The following TBL2 variants were observed in gnomAD, a reference collection of about 807,000 sequenced individuals.
TBL2 encodes the protein transducin beta like 2.
TBL2 carries 33 observed loss-of-function variants against 41.8 expected under a neutral mutation model. That is an observed-to-expected ratio of 0.79 (90% CI 0.60 to 1.06). The LOEUF is 1.06. TBL2 is among the 50% of genes least tolerant of loss of function. The probability of loss-of-function intolerance (pLI) is 0.00; values close to 1 mark genes in which losing one functional copy is unlikely to be tolerated. For missense variants in TBL2, 522 were observed against 603.8 expected (o/e 0.86, Z 1.42); for synonymous variants, 239 against 241.7 (o/e 0.99, Z 0.10).
At chr7:73,572,760 C>T (rs1397673393) in intron 5 of TBL2, 84 bp downstream of exon 5, 42 of 1,592,102 alleles carry the variant, frequency 2.6e-5, no homozygotes, top group South Asian at 1.6e-4. Context: ...TCTTCCCACG[C>T]GATGAAGCTG....
Position 73,572,875 on chromosome 7 carries a change from T to G in TBL2, c.694A>C (p.Asn232His). The stretch of plus-strand genomic sequence containing the variant: ...CAGGGAGATACAGCAGCGTGTGTGT[T>G]GTTCATCTGGTTGGTGTTGATGGTA... ...LSTINTNQMN[N>H]THAAVSPCGR... Residue 232 changes from asparagine (N) to histidine (H), a missense_variant, in exon 5 of 7, where the codon AAC becomes CAC. Asn to His is a moderately conservative substitution (Grantham distance 68). Coordinates refer to ENST00000305632, the MANE Select transcript of TBL2 (RefSeq NM_012453.4). The G allele has an allele frequency of 3.7e-6, 6 of 1,614,144 alleles. No homozygotes were observed. Among genetic ancestry groups the G allele is most frequent in the Non-Finnish European group, 5.1e-6 (6 of 1,180,016 alleles).
rs1563452127 is a variant in TBL2, at chr7:73,574,076, T to G, written c.308A>C (p.Lys103Thr). Residue 103 changes from lysine to threonine, a missense_variant, in exon 3 of 7, where the codon AAA becomes ACA. Physicochemically the swap from Lys to Thr is moderately conservative, Grantham distance 78. Coordinates refer to ENST00000305632, the MANE Select transcript of TBL2 (RefSeq NM_012453.4). Reference sequence around the variant, plus strand: ...ATCATCTGCACAGGTAGCCAGGTATTTGCCATTGCTGCTAAAGTCCATGCA... The same window carrying G: ...ATCATCTGCACAGGTAGCCAGGTATGTGCCATTGCTGCTAAAGTCCATGCA... The part of the protein sequence containing the change: ...ISCMDFSSNG[K>T]YLATCADDRT... 1 of 1,614,160 alleles carries G rather than the reference T, an allele frequency of 6.2e-7. No homozygotes were observed. Among genetic ancestry groups the G allele is most frequent in the Non-Finnish European group, 8.5e-7 (1 of 1,180,032 alleles).
chr7:73,576,763 G>GC, intron 1 of TBL2: 1 of 455,052 alleles, frequency 2.2e-6, no homozygotes, highest in Non-Finnish European at 4.4e-6. Context: ...TGTCTAACAA[G>GC]CCCCCCTCCT....
Position 73,573,479 on chromosome 7 carries a change from C to T in TBL2, c.447-8G>A. On this transcript the variant is annotated splice_polypyrimidine_tract_variant and splice_region_variant and intron_variant, in intron 3 of 6. Transcript: ENST00000305632. ...AGCCAGACGATGAAGGCTCTAGAGACAGGCAGCAGACAAGTCACGCTCTCA... is the reference window on the plus strand; with the variant it reads ...AGCCAGACGATGAAGGCTCTAGAGATAGGCAGCAGACAAGTCACGCTCTCA... 4 of 1,613,866 alleles carry T rather than the reference C, an allele frequency of 2.5e-6. No individual in the cohort carries two copies. In the African/African-American group the frequency reaches 4.0e-5, roughly 16 times the overall value.
At chr7:73,575,011 T>C (rs1395724673) in intron 1 of TBL2, among the ~76,000 whole-genome samples, 1 of 151,940 alleles carries the variant, frequency 6.6e-6, no homozygotes, top group South Asian at 2.1e-4. Context: ...GCCAGTGGAG[T>C]GTGGATCCTT....
At chr7:73,574,707 TC>T in intron 1 of TBL2, 194 bp from the exon 2 acceptor site, 1 of 703,296 alleles carries the variant, frequency 1.4e-6, no homozygotes, top group Non-Finnish European at 2.4e-6. Context: ...ATGCCTGTAA[TC>T]CCAATGCTTT....
Position 73,574,115 on chromosome 7 carries a change from C to T in TBL2, c.269G>A (p.Ser90Asn). ...AAAGTCCATGCAAGATATGTTCCCG[C>T]TGTGGCTCTAGGGGAAGGGTGGCAG... The part of the protein sequence containing the change: ...RLLAAALKSH[S>N]GNISCMDFSS... The change falls in exon 3 of 7, where the codon AGC (serine) becomes AAC (asparagine). Residue 90 changes from serine (S) to asparagine (N), a missense_variant. Ser to Asn is a conservative substitution (Grantham distance 46). Coordinates refer to ENST00000305632, the MANE Select transcript of TBL2 (RefSeq NM_012453.4). The T allele has an allele frequency of 6.2e-7, 1 of 1,614,002 alleles. No homozygotes were observed. Among genetic ancestry groups the T allele is most frequent in the Non-Finnish European group, 8.5e-7 (1 of 1,179,880 alleles).
chr7:73,570,954 C>T lies in TBL2; in HGVS notation c.897G>A (p.Lys299=), dbSNP rs781886058. ...TGTCCCACAGTTTCCATGTACCATC[C>T]TTGGAGACAGAAGCCATCCTGCAAC... ...NDSRRMASVS[K]DGTWKLWDTD... is the part of the protein sequence containing the mutation. Residue 299 remains lysine, a synonymous_variant, in exon 7 of 7, where the codon AAG becomes AAA. Transcript: ENST00000305632. The T allele has an allele frequency of 5.0e-6, 8 of 1,604,228 alleles. No individual in the cohort carries two copies. The highest frequency in any genetic ancestry group is 6.8e-6 in the Non-Finnish European group (8 of 1,174,098).
rs1174880154 is a variant in TBL2, at chr7:73,569,964, C to T, written c.*543G>A. On this transcript the variant is annotated 3_prime_UTR_variant, in exon 7 of 7. Transcript: ENST00000305632. ...TGGGGACTTGATATTCTCTTAGCCT[C>T]ATATCATCTTTGCAAGGAGTTCACA... The T allele has an allele frequency of 1.3e-5, 2 of 152,660 alleles. No homozygotes were observed. Among genetic ancestry groups the T allele is most frequent in the African/African-American group, 4.8e-5 (2 of 41,464 alleles). 9.5% of individuals were successfully genotyped at this position (152,660 alleles called of 1,614,324 possible).
At position 73,574,382 on chromosome 7, in the gene TBL2, C is replaced by T; in HGVS notation, c.261+1G>A. ...CACGCTGTGCCAGGTACCCCACGTA[C>T]CTTCAGAGCTGCAGCCAGGAGGCGG... is the stretch of plus-strand genomic sequence containing the variant. On this transcript the variant is annotated splice_donor_variant, in intron 2 of 6. Coordinates refer to ENST00000305632, the MANE Select transcript of TBL2 (RefSeq NM_012453.4). LOFTEE classifies it high-confidence loss of function. The T allele has an allele frequency of 1.2e-6, 2 of 1,613,136 alleles. No homozygotes were observed. The highest frequency in any genetic ancestry group is 1.7e-6 in the Non-Finnish European group (2 of 1,180,018).
At chr7:73,577,155 G>C (rs2116018789) in intron 1 of TBL2, among the ~76,000 whole-genome samples, 1 of 151,816 alleles carries the variant, frequency 6.6e-6, no homozygotes, top group South Asian at 2.1e-4. Flanking sequence ...CAGCTACTCA[G>C]GAGGCTGAGG....
chr7:73,570,294 C>T lies in TBL2; in HGVS notation c.*213G>A. 1 of 783,140 alleles carries T rather than the reference C, an allele frequency of 1.3e-6. No homozygotes were observed. 48.5% of individuals were successfully genotyped at this position (783,140 alleles called of 1,614,324 possible). A position where few individuals can be genotyped will look rare whatever the true frequency, so the allele number is the denominator to read the frequency against. Reference sequence around the variant, plus strand: ...CCACTGGGCCTGGGAGGAAGAAAAGCACCTTGGCCACTAGTCAGGGAGGAG... The same window carrying T: ...CCACTGGGCCTGGGAGGAAGAAAAGTACCTTGGCCACTAGTCAGGGAGGAG... On this transcript the variant is annotated 3_prime_UTR_variant, in exon 7 of 7. Transcript: ENST00000305632.
rs1408017702 is a variant in TBL2 at position 73,568,791 on chromosome 7, G to A, written c.*1716C>T. ...AAAATACAAAAATTAGCCAGGCGTG[G>A]TGGCACATGCCTGTAATCCCAGCTA... On this transcript the variant is annotated 3_prime_UTR_variant, in exon 7 of 7. Coordinates refer to ENST00000305632, the MANE Select transcript of TBL2 (RefSeq NM_012453.4). The A allele has an allele frequency of 6.6e-6, 1 of 152,168 alleles. No individual in the cohort carries two copies. Among genetic ancestry groups the A allele is most frequent in the African/African-American group, 2.4e-5 (1 of 41,422 alleles). 9.4% of individuals were successfully genotyped at this position (152,168 alleles called of 1,614,324 possible).
chr7:73,572,722 C>T, intron 5 of TBL2, 122 bp downstream of exon 5: 1 of 1,406,572 alleles, frequency 7.1e-7, no homozygotes, highest in Non-Finnish European at 9.8e-7. Flanking sequence ...AGACTTGAAG[C>T]TCGGGTTCCT....
chr7:73,578,193 C>T (rs1206570795), intron 1 of TBL2: 75 of 1,488,866 alleles, frequency 5.0e-5, no homozygotes, highest in Non-Finnish European at 6.4e-5. Context: ...CAGAGAAAGC[C>T]GCAGTAAGGG....
intron 5 of TBL2, chr7:73,571,851 C>T (rs782520884): frequency 6.2e-5 from 10 of 161,976 alleles, no homozygotes; most frequent in Admixed American, 5.9e-5. Context: ...ACCTAAGGTC[C>T]GACAGTTTGA....
chr7:73,573,810 GCT>G (rs1793122746), intron 3 of TBL2, 126 bp downstream of exon 3: 8 of 1,186,466 alleles, frequency 6.7e-6, no homozygotes, highest in South Asian at 1.5e-5. Flanking sequence ...CTATGTGGAT[GCT>G]CTTTCTGGCA....
Position 73,567,549 on chromosome 7 carries a change from C to T in TBL2, c.*2958G>A, listed in dbSNP as rs1792695113. ...CTATACACCGCCATTTAAAATATTTCCCCAAATTTTTTTTTTGAAAAATTT... is the reference window on the plus strand; with the variant it reads ...CTATACACCGCCATTTAAAATATTTTCCCAAATTTTTTTTTTGAAAAATTT... On this transcript the variant is annotated 3_prime_UTR_variant, in exon 7 of 7. Coordinates refer to ENST00000305632, the MANE Select transcript of TBL2 (RefSeq NM_012453.4). 6.6e-6 allele frequency among the ~76,000 whole-genome samples: 1 copy of T among 151,806 alleles called. No individual in the cohort carries two copies. Among genetic ancestry groups the T allele is most frequent in the South Asian group, 2.1e-4 (1 of 4,822 alleles).
chr7:73,573,597 T>G (rs575494009), intron 3 of TBL2, 126 bp from the exon 4 acceptor site: 2 of 1,283,112 alleles, frequency 1.6e-6, no homozygotes, highest in Admixed American at 5.3e-5. Flanking sequence ...CCTTAAAACT[T>G]AAGCCCCTGG....
Sources: allele counts gnomAD v4.1 joint callset (sites outside exome capture counted in the v4.1 genomes callset), GRCh38; gene constraint gnomAD v4.1.1; transcripts MANE v1.5; gene names NCBI Gene and HGNC (gene_info 2026-07-23, HGNC 2026-07-21).